Variants in PTPRF observed in about 807,000 individuals in gnomAD.
PTPRF encodes receptor-type tyrosine-protein phosphatase F.
In PTPRF, 59 loss-of-function variants were observed where a neutral mutation model predicts 201.8. The ratio of observed to expected loss-of-function variants is 0.29; its 90% CI spans 0.24 to 0.36. The LOEUF is 0.36. Ranked by LOEUF, PTPRF falls within the 10% of genes least tolerant of loss-of-function variation. The pLI, the probability that PTPRF is intolerant of heterozygous loss-of-function variation, is 1.00. For missense variants in PTPRF, 2,132 were observed against 2,690.5 expected, an observed-to-expected ratio of 0.79 and a Z score of 4.59; for synonymous variants, 1,088 against 1,089.7, an observed-to-expected ratio of 1.00 and a Z score of 0.03.
At chr1:43,566,139 G>T (rs1204086030) in intron 5 of PTPRF, among the ~76,000 whole-genome samples, 1 of 152,192 alleles carries the variant, frequency 6.6e-6, no homozygotes, top group Non-Finnish European at 1.5e-5. Flanking sequence ...CCGAGGCGTG[G>T]TGTGGGGGAG....
intron 12 of PTPRF, 119 bp downstream of exon 12, chr1:43,598,172 G>GT (rs1165619194): frequency 4.5e-6 from 5 of 1,112,272 alleles, no homozygotes; most frequent in Non-Finnish European, 6.1e-6. Flanking sequence ...TCTGGTTCAG[G>GT]TGTAATGGCC....
intron 5 of PTPRF, among the ~76,000 whole-genome samples, chr1:43,563,201 TAGAA>T (rs1645926784): frequency 1.4e-5 from 2 of 148,044 alleles, no homozygotes; most frequent in Non-Finnish European, 3.0e-5. Context: ...AAAATAAGAT[TAGAA>T]AGAGTAGAGG....
At chr1:43,617,623 G>A in intron 24 of PTPRF, 55 bp downstream of exon 24, 2 of 1,610,942 alleles carry the variant, frequency 1.2e-6, no homozygotes, top group Non-Finnish European at 1.7e-6. Context: ...GCTAGCTAGG[G>A]CAACATGTCA....
Position 43,553,854 on chromosome 1 carries a change from G to T in PTPRF, c.292G>T (p.Val98Leu), listed in dbSNP as rs1265936350. ...AGTGCTTCGGATCCAGCCATTGCGG[G>T]TGCAGCGAGATGAAGCCATCTATGA... is the stretch of plus-strand genomic sequence containing the variant. Reference protein sequence around the residue: ...GSVLRIQPLRVQRDEAIYECT... With the variant: ...GSVLRIQPLRLQRDEAIYECT... Residue 98 changes from valine to leucine, a missense_variant, in exon 5 of 34, where the codon GTG becomes TTG. By Grantham distance (32) the Val-to-Leu change is conservative. Around this residue, in one of 6 missense-constraint regions of PTPRF, gnomAD observed 297 missense variants for 454.0 expected, o/e 0.65. Transcript: ENST00000359947. The surrounding 1 kb of genome is among the most constrained non-coding windows in gnomAD (Gnocchi z 4.1). The T allele has an allele frequency of 1.9e-6, 3 of 1,614,100 alleles. No homozygotes were observed. The highest frequency in any genetic ancestry group is 1.7e-5 in the Admixed American group (1 of 60,012).
intron 22 of PTPRF, among the ~76,000 whole-genome samples, chr1:43,610,246 G>T (rs1052255612): frequency 1.3e-5 from 2 of 152,166 alleles, no homozygotes; most frequent in African/African-American, 4.8e-5. Flanking sequence ...GCGCACGATG[G>T]GTTCTTGTTG....
chr1:43,605,690 G>A, intron 19 of PTPRF, 68 bp downstream of exon 19: 1 of 1,441,064 alleles, frequency 6.9e-7, no homozygotes. Context: ...TTCCTGCCCT[G>A]AGCACTGTCC....
upstream of PTPRF, among the ~76,000 whole-genome samples, chr1:43,528,955 G>A (rs1643234929): frequency 6.6e-6 from 1 of 152,168 alleles, no homozygotes; most frequent in Non-Finnish European, 1.5e-5. Flanking sequence ...AGCAGAAGAC[G>A]AGGTGGTAAA....
chr1:43,618,506 G>C, intron 25 of PTPRF, 124 bp from the exon 26 acceptor site: 1 of 1,252,614 alleles, frequency 8.0e-7, no homozygotes, highest in Non-Finnish European at 1.1e-6. Flanking sequence ...GGATCTGAGA[G>C]CTCAGGGCTG....
intron 7 of PTPRF, chr1:43,582,982 T>C (rs1273156864): frequency 2.5e-6 from 2 of 806,052 alleles, no homozygotes; most frequent in Middle Eastern, 6.1e-4. Context: ...CAGATGAAGG[T>C]TGGCCTGTTT....
rs184797979 is a variant in PTPRF, at chr1:43,584,345, G to A, written c.680-4386G>A. ...GGGTGAGGGAGCCGGTCGAGAGGAG[G>A]GCTATAGCCTAGGCTCAGATATCAG... On this transcript the variant is annotated intron_variant, in intron 7 of 33. Coordinates refer to ENST00000359947, the MANE Select transcript of PTPRF (RefSeq NM_002840.5). Among the ~76,000 whole-genome samples the A allele has an allele frequency of 6.9e-3, 1,055 of 152,302 alleles. 20 individuals are homozygous for A. Among genetic ancestry groups the A allele is most frequent in the African/African-American group, 0.024 (1,018 of 41,562 alleles).
rs1167789315 is a variant in PTPRF, at chr1:43,563,756, A to G, written c.380-5834A>G. Among the ~76,000 whole-genome samples, 4 of 152,120 alleles carry G rather than the reference A, an allele frequency of 2.6e-5. No individual in the cohort carries two copies. In the East Asian group the frequency reaches 7.7e-4, roughly 29 times the overall value. ...TGAGAGGGAGGCTATCAGTGTCTGT[A>G]GTGACTGGAAGGGCCCGAACCTAGG... is the stretch of plus-strand genomic sequence containing the variant. On this transcript the variant is annotated intron_variant, in intron 5 of 33. Coordinates refer to ENST00000359947, the MANE Select transcript of PTPRF (RefSeq NM_002840.5).
upstream of PTPRF, among the ~76,000 whole-genome samples, chr1:43,524,904 G>A (rs1479807805): frequency 6.6e-6 from 1 of 152,204 alleles, no homozygotes; most frequent in Non-Finnish European, 1.5e-5. Context: ...AGAGAGTGCG[G>A]TTCCAAGCCG....
chr1:43,550,487 C>T (rs182038608), intron 3 of PTPRF, among the ~76,000 whole-genome samples: 88 of 152,318 alleles, frequency 5.8e-4, no homozygotes, highest in African/African-American at 2.0e-3. Context: ...CCTGGTGCAG[C>T]AGGGGCCGCG....
intron 7 of PTPRF, chr1:43,579,131 C>T (rs901224564): frequency 1.4e-6 from 1 of 707,892 alleles, no homozygotes; most frequent in Admixed American, 2.0e-5. Flanking sequence ...CCTTGCAGGC[C>T]CATGGGGAAG....
intron 7 of PTPRF, chr1:43,583,165 C>T (rs960798110): frequency 1.4e-4 from 132 of 933,294 alleles, no homozygotes; most frequent in South Asian, 2.0e-4. Flanking sequence ...TAGGGCCCAG[C>T]GGGCTCGGTC....
At chr1:43,575,902 C>T (rs777941260) in intron 6 of PTPRF, 6 of 1,362,912 alleles carry the variant, frequency 4.4e-6, no homozygotes, top group South Asian at 1.1e-5. Flanking sequence ...TTCAAATTAC[C>T]TCGCCAGGTG....
intron 5 of PTPRF, among the ~76,000 whole-genome samples, chr1:43,557,888 T>C (rs1368929726): frequency 6.6e-6 from 1 of 152,156 alleles, no homozygotes; most frequent in Non-Finnish European, 1.5e-5. Context: ...CTGTATAACC[T>C]TGGCCAGCAT....
intron 6 of PTPRF, among the ~76,000 whole-genome samples, chr1:43,572,720 G>C (rs1646658598): frequency 6.6e-6 from 1 of 152,120 alleles, no homozygotes; most frequent in African/African-American, 2.4e-5. Flanking sequence ...AGCTTTCCCC[G>C]CTTTTGTTGC....
chr1:43,528,159 G>A (rs112319135), upstream of PTPRF, among the ~76,000 whole-genome samples: 1 of 152,142 alleles, frequency 6.6e-6, no homozygotes. Flanking sequence ...TGGCTCTGAG[G>A]TGCCAAAACA....
Sources: gnomAD v4.1 joint callset for allele counts (sites outside exome capture counted in the v4.1 genomes callset) on GRCh38, gnomAD v4.1.1 for gene constraint, gnomAD v4.1.1 regional missense constraint, Gnocchi (gnomAD v3.1) non-coding constraint, MANE v1.5 for transcripts, NCBI Gene and HGNC (gene_info 2026-07-23, HGNC 2026-07-21) for gene names.